The following STK10 variants were observed in gnomAD, a reference collection of about 807,000 sequenced individuals.
STK10 encodes serine/threonine-protein kinase 10.
Under a neutral mutation model 113.8 loss-of-function variants are expected in STK10, and 78 were observed. The ratio of observed to expected loss-of-function variants is 0.69; its 90% CI spans 0.57 to 0.83. The LOEUF is 0.83. Ranked by LOEUF, STK10 falls within the 40% of genes least tolerant of loss-of-function variation. The probability of loss-of-function intolerance (pLI) is 0.00; values close to 1 mark genes in which losing one functional copy is unlikely to be tolerated. For missense variants in STK10, 1,109 were observed against 1,280.1 expected (o/e 0.87, Z 2.04); for synonymous variants, 465 against 494.7 (o/e 0.94, Z 0.80).
chr5:172,056,972 A>G (rs1439130226), intron 15 of STK10: 11 of 112,886 alleles, frequency 9.7e-5, no homozygotes, highest in African/African-American at 4.4e-4. Flanking sequence ...AGAAAGAAAG[A>G]AAGAAAGAAA....
intron 2 of STK10, among the ~76,000 whole-genome samples, chr5:172,147,493 G>A (rs570840493): frequency 6.1e-4 from 93 of 151,980 alleles, no homozygotes; most frequent in African/African-American, 2.2e-3. Flanking sequence ...CCGGGTTCAC[G>A]CCATTCTCCT....
chr5:172,078,619 T>TAAAAAAAAAAAAAAAA (rs58823824), intron 12 of STK10, among the ~76,000 whole-genome samples: 1 of 72,874 alleles, frequency 1.4e-5, no homozygotes, highest in African/African-American at 3.6e-5. Flanking sequence ...GCCTCATCAT[T>TAAAAAAAAAAAAAAAA]AAAAAAAAAA....
chr5:172,059,426 C>T (rs548835537), intron 14 of STK10, among the ~76,000 whole-genome samples: 1 of 130,668 alleles, frequency 7.7e-6, no homozygotes, highest in Non-Finnish European at 1.6e-5. Flanking sequence ...CAGCGAGACT[C>T]TCCATCTCAA....
chr5:172,095,612 TTGCCC>T (rs1768831099), intron 8 of STK10, among the ~76,000 whole-genome samples: 1 of 152,236 alleles, frequency 6.6e-6, no homozygotes, highest in Non-Finnish European at 1.5e-5. Context: ...ATGATTCCGC[TTGCCC>T]TGCCCTTCGG....
intron 6 of STK10, 104 bp downstream of exon 6, chr5:172,106,516 C>G: frequency 1.6e-6 from 2 of 1,272,764 alleles, no homozygotes; most frequent in Non-Finnish European, 2.1e-6. Flanking sequence ...CTAGCAGCAC[C>G]AGGAGAACGC....
intron 4 of STK10, among the ~76,000 whole-genome samples, chr5:172,111,467 C>A (rs983726806): frequency 2.0e-5 from 3 of 152,204 alleles, no homozygotes; most frequent in Non-Finnish European, 4.4e-5. Flanking sequence ...TGCTACTTCC[C>A]CTTCTGCCCC....
chr5:172,065,524 C>T (rs1198923104), intron 12 of STK10, among the ~76,000 whole-genome samples: 1 of 152,088 alleles, frequency 6.6e-6, no homozygotes, highest in African/African-American at 2.4e-5. Context: ...CGCGCCTGGC[C>T]GAGAATGCAT....
In STK10 at chr5:172,106,803, TC is replaced by T; in HGVS notation, c.604del (p.Glu202ArgfsTer8). On this transcript the variant is annotated frameshift_variant, in exon 6 of 19. Coordinates refer to ENST00000176763, the MANE Select transcript of STK10 (RefSeq NM_005990.4). LOFTEE classifies it high-confidence loss of function. ...FIGTPYWMAPEVVMCETMKDT... is the reference protein window; with the variant it reads ...FIGTPYWMAPXVVMCETMKDT... ...TTTCATGGTCTCACACATGACCACCTCGGGGGCCATCCTGAACCAACCAAGG... is the reference window on the plus strand; with the variant it reads ...TTTCATGGTCTCACACATGACCACCTGGGGGCCATCCTGAACCAACCAAGG... The T allele has an allele frequency of 6.2e-7, 1 of 1,613,936 alleles. No individual in the cohort carries two copies. Among genetic ancestry groups the T allele is most frequent in the East Asian group, 2.2e-5 (1 of 44,872 alleles).
rs937401145 is a variant in STK10, at chr5:172,133,376, C to A, written c.322-5955G>T. ...CCTGATGTCCTGGGCACCATGGCTA[C>A]CTCCCCCTCCACATACACCATGTCT... On this transcript the variant is annotated intron_variant, in intron 2 of 18. Transcript: ENST00000176763. This position sits in a 1 kb window ranked among gnomAD's most constrained non-coding sequence, Gnocchi z 4.9. Among the ~76,000 whole-genome samples the A allele has an allele frequency of 6.6e-6, 1 of 152,172 alleles. No homozygotes were observed. The highest frequency in any genetic ancestry group is 6.5e-5 in the Admixed American group (1 of 15,282).
At chr5:172,060,698 A>G (rs968515603) in intron 14 of STK10, among the ~76,000 whole-genome samples, 2 of 152,248 alleles carry the variant, frequency 1.3e-5, no homozygotes, top group Admixed American at 1.3e-4. Context: ...GCCAAAGAAT[A>G]GTAACTCTCC....
intron 4 of STK10, among the ~76,000 whole-genome samples, chr5:172,114,347 G>T: frequency 6.9e-6 from 1 of 144,608 alleles, no homozygotes; most frequent in Admixed American, 7.1e-5. Flanking sequence ...AAGTCATGTT[G>T]CTTATTAAAA....
chr5:172,121,032 CT>C lies in STK10; in HGVS notation c.371-3403del, dbSNP rs113620151. The stretch of plus-strand genomic sequence containing the variant: ...TTGTTGTTGTTGTTGGGTTTCTTTC[CT>C]TTTTTTTTTTTTTGAGATGGAGTCT... On this transcript the variant is annotated intron_variant, in intron 3 of 18. Coordinates refer to ENST00000176763, the MANE Select transcript of STK10 (RefSeq NM_005990.4). 4.1e-3 allele frequency among the ~76,000 whole-genome samples: 575 copies of C among 138,670 alleles called. 3 individuals are homozygous for C. Among genetic ancestry groups the C allele is most frequent in the South Asian group, 0.017 (75 of 4,354 alleles). 91.0% of individuals were successfully genotyped at this position (138,670 alleles called of 152,430 possible). A position where few individuals can be genotyped will look rare whatever the true frequency, so the allele number is the denominator to read the frequency against.
At chr5:172,064,412 AAGG>A in intron 13 of STK10, 1 of 422,494 alleles carries the variant, frequency 2.4e-6, no homozygotes, top group Non-Finnish European at 4.4e-6. Context: ...TGGGTTGGTC[AAGG>A]AGATGTGACT....
intron 2 of STK10, among the ~76,000 whole-genome samples, chr5:172,151,114 G>A (rs978350431): frequency 2.6e-5 from 4 of 152,322 alleles, no homozygotes; most frequent in African/African-American, 4.8e-5. Context: ...GATACTTACC[G>A]AAGTTTCTGT....
intron 12 of STK10, among the ~76,000 whole-genome samples, chr5:172,074,549 CTTATA>C (rs2113719934): frequency 6.6e-6 from 1 of 152,188 alleles, no homozygotes; most frequent in South Asian, 2.1e-4. Context: ...CACCTTATAT[CTTATA>C]TAACAATGAA....
chr5:172,070,901 A>G (rs980142724), intron 12 of STK10, among the ~76,000 whole-genome samples: 1 of 152,154 alleles, frequency 6.6e-6, no homozygotes, highest in African/African-American at 2.4e-5. Context: ...TCCTTGAAAG[A>G]CAGAAGCTAC....
chr5:172,106,452 C>CG (rs75163934), intron 6 of STK10, among the ~76,000 whole-genome samples, 168 bp downstream of exon 6: 17 of 135,566 alleles, frequency 1.3e-4, no homozygotes, highest in East Asian at 4.9e-4. Context: ...ACGAAGGGCC[C>CG]GGGGGGGCTC....
At chr5:172,059,177 T>C (rs1480330732) in intron 14 of STK10, among the ~76,000 whole-genome samples, 5 of 151,952 alleles carry the variant, frequency 3.3e-5, no homozygotes, top group Non-Finnish European at 5.9e-5. Flanking sequence ...TCCCAGCACT[T>C]TGGGAGGCCA....
intron 3 of STK10, among the ~76,000 whole-genome samples, 180 bp downstream of exon 3, chr5:172,127,193 A>T (rs1769639649): frequency 6.6e-6 from 1 of 152,132 alleles, no homozygotes; most frequent in African/African-American, 2.4e-5. Flanking sequence ...GAAAGAAAAA[A>T]AGAACCCACA....
Sources: gnomAD v4.1 joint callset for allele counts (sites outside exome capture counted in the v4.1 genomes callset) on GRCh38, gnomAD v4.1.1 for gene constraint, Gnocchi (gnomAD v3.1) non-coding constraint, MANE v1.5 for transcripts, NCBI Gene and HGNC (gene_info 2026-07-23, HGNC 2026-07-21) for gene names.